The following ARFGEF1 variants were observed in gnomAD, a reference collection of about 807,000 sequenced individuals.
The protein encoded by ARFGEF1 is brefeldin A-inhibited guanine nucleotide-exchange protein 1.
Under a neutral mutation model 231.0 loss-of-function variants are expected in ARFGEF1, and 42 were observed. The observed-to-expected ratio is 0.18, with a 90% confidence interval of 0.14 to 0.24. The LOEUF (loss-of-function observed/expected upper bound fraction) is 0.24. Ranked by LOEUF, ARFGEF1 falls within the 10% of genes least tolerant of loss-of-function variation. ARFGEF1 has a pLI of 1.00. For synonymous variants in ARFGEF1, 710 were observed against 732.3 expected, an observed-to-expected ratio of 0.97 and a Z score of 0.49; for missense variants, 1,345 against 2,192.0, an observed-to-expected ratio of 0.61 and a Z score of 7.72.
chr8:67,320,251 G>GTC, intron 1 of ARFGEF1, among the ~76,000 whole-genome samples: 1 of 111,564 alleles, frequency 9.0e-6, no homozygotes, highest in Non-Finnish European at 1.9e-5. Context: ...AAAAAAAAAA[G>GTC]TGCTCAACAT....
At chr8:67,287,801 C>G (rs1563890769) in intron 7 of ARFGEF1, among the ~76,000 whole-genome samples, 154 bp downstream of exon 7, 2 of 152,224 alleles carry the variant, frequency 1.3e-5, no homozygotes, top group East Asian at 1.9e-4. Context: ...GTTCTAGAAT[C>G]AAGGCCAAAA....
intron 1 of ARFGEF1, among the ~76,000 whole-genome samples, chr8:67,333,368 C>G (rs1808194729): frequency 6.6e-6 from 1 of 150,660 alleles, no homozygotes; most frequent in African/African-American, 2.5e-5. Context: ...TTCACTCTGT[C>G]ACCCAGGCTG....
At chr8:67,261,979 A>G (rs893445203) in intron 14 of ARFGEF1, among the ~76,000 whole-genome samples, 2 of 152,124 alleles carry the variant, frequency 1.3e-5, no homozygotes, top group Non-Finnish European at 2.9e-5. Flanking sequence ...AAAAGCTGCC[A>G]TGTAGAGAGA....
chr8:67,204,895 A>G, intron 34 of ARFGEF1, 76 bp from the exon 35 acceptor site: 1 of 1,539,772 alleles, frequency 6.5e-7, no homozygotes, highest in Non-Finnish European at 8.9e-7. Context: ...ATGATATTAC[A>G]ATGCTAAGGA....
chr8:67,252,403 C>T (rs16933204), intron 18 of ARFGEF1, among the ~76,000 whole-genome samples: 20,617 of 151,332 alleles, frequency 0.14, 2,860 homozygotes, highest in African/African-American at 0.36. Context: ...GTAATTTTGG[C>T]GTTTTCGGCA....
chr8:67,267,657 T>C (rs563090954), intron 10 of ARFGEF1, among the ~76,000 whole-genome samples: 33 of 152,300 alleles, frequency 2.2e-4, no homozygotes, highest in African/African-American at 6.0e-4. Flanking sequence ...GCAATTCACA[T>C]TGATGTGTTT....
chr8:67,212,365 G>T (rs1838781310), intron 33 of ARFGEF1, among the ~76,000 whole-genome samples: 1 of 152,198 alleles, frequency 6.6e-6, no homozygotes, highest in South Asian at 2.1e-4. Flanking sequence ...TTACAGGCGT[G>T]AGCCACCACG....
At chr8:67,181,322 G>A (rs1471337808) in intron 5 of ARFGEF1, among the ~76,000 whole-genome samples, 1 of 149,466 alleles carries the variant, frequency 6.7e-6, no homozygotes, top group Non-Finnish European at 1.5e-5. Flanking sequence ...ACAGGCATGA[G>A]CCACTGTACC....
chr8:67,333,275 C>T (rs918622788), intron 1 of ARFGEF1, among the ~76,000 whole-genome samples: 22 of 151,686 alleles, frequency 1.5e-4, no homozygotes, highest in African/African-American at 3.4e-4. Context: ...CCTTGTGATC[C>T]GCCTACCTCG....
intron 20 of ARFGEF1, 112 bp downstream of exon 20, chr8:67,240,050 C>G (rs1839883536): frequency 7.1e-7 from 1 of 1,402,886 alleles, no homozygotes; most frequent in Non-Finnish European, 9.7e-7. Flanking sequence ...CCATCATAAA[C>G]TTGAAATTAG....
At chr8:67,266,237 T>A (rs1308901551) in intron 13 of ARFGEF1, 30 bp from the exon 14 acceptor site, 4 of 1,574,588 alleles carry the variant, frequency 2.5e-6, no homozygotes, top group Non-Finnish European at 2.6e-6. Context: ...TAGAGTACAT[T>A]ATTCTATCAA....
intron 2 of ARFGEF1, 148 bp from the exon 3 acceptor site, chr8:67,301,528 C>T: frequency 1.2e-6 from 1 of 850,166 alleles, no homozygotes; most frequent in South Asian, 2.3e-5. Flanking sequence ...AACCCAAGCC[C>T]AGAGAAGTGA....
In ARFGEF1 at chr8:67,334,151, A is replaced by AG. The variant is rs1340789263; in HGVS notation, c.124+9012_124+9013insC. Among the ~76,000 whole-genome samples, 14 of 151,720 alleles carry AG rather than the reference A, an allele frequency of 9.2e-5. 1 individual carries two copies. The highest frequency in any genetic ancestry group is 9.2e-4 in the Admixed American group (14 of 15,226). On this transcript the variant is annotated intron_variant, in intron 1 of 38. Coordinates refer to ENST00000262215, the MANE Select transcript of ARFGEF1 (RefSeq NM_006421.5). Reference sequence around the variant, plus strand: ...AACTCCGTCTCAAAAAAAAAAAAAAAAAAAAAGAATAGTGCATAAAATTAC... The same window carrying AG: ...AACTCCGTCTCAAAAAAAAAAAAAAAGAAAAAAGAATAGTGCATAAAATTAC...
chr8:67,321,592 C>T (rs892432440), intron 1 of ARFGEF1, among the ~76,000 whole-genome samples: 7 of 152,146 alleles, frequency 4.6e-5, no homozygotes, highest in Non-Finnish European at 1.0e-4. Flanking sequence ...TCCCGAGTAG[C>T]TGGGAGTACA....
chr8:67,269,350 CTTTTT>C (rs796473421), intron 10 of ARFGEF1, among the ~76,000 whole-genome samples: 1 of 128,872 alleles, frequency 7.8e-6, no homozygotes, highest in African/African-American at 2.9e-5. Context: ...CCACGTTCAG[CTTTTT>C]TTTTTTTTTT....
chr8:67,181,716 A>G (rs536031719), intron 5 of ARFGEF1, among the ~76,000 whole-genome samples: 47 of 152,210 alleles, frequency 3.1e-4, no homozygotes, highest in Non-Finnish European at 5.9e-4. Flanking sequence ...TAACCATTTT[A>G]AAGTGTACAT....
At chr8:67,231,914 A>G (rs1690576386) in intron 23 of ARFGEF1, among the ~76,000 whole-genome samples, 1 of 151,970 alleles carries the variant, frequency 6.6e-6, no homozygotes, top group Admixed American at 6.6e-5. Context: ...TAGGTATGAG[A>G]TAATCTTTCT....
rs922494064 is a variant in ARFGEF1 at position 67,278,741 on chromosome 8, G to T, written c.1028-1284C>A. On this transcript the variant is annotated intron_variant, in intron 7 of 38. Transcript: ENST00000262215. The stretch of plus-strand genomic sequence containing the variant: ...GGTGCCTATAATCCCAGCTACTCGG[G>T]AGGCTGAGGCAGGAGAATCACTTGA... Among the ~76,000 whole-genome samples the T allele has an allele frequency of 2.0e-5, 3 of 152,066 alleles. No homozygotes were observed. The East Asian group carries it at 5.8e-4, about 30-fold the overall frequency.
At chr8:67,320,235 A>C in intron 1 of ARFGEF1, among the ~76,000 whole-genome samples, 1 of 150,836 alleles carries the variant, frequency 6.6e-6, no homozygotes, top group Non-Finnish European at 1.5e-5. Context: ...AAAAAAAAAA[A>C]AAAAAAAAAA....
Sources: gnomAD v4.1 joint callset for allele counts (sites outside exome capture counted in the v4.1 genomes callset) on GRCh38, gnomAD v4.1.1 for gene constraint, MANE v1.5 for transcripts, NCBI Gene and HGNC (gene_info 2026-07-23, HGNC 2026-07-21) for gene names.